LRRC34: variants seen among roughly 807,000 people sequenced by gnomAD.
LRRC34 encodes leucine-rich repeat-containing protein 34.
A neutral mutation model predicts 48.5 loss-of-function variants in LRRC34; 44 were observed. That is an observed-to-expected ratio of 0.91 (90% CI 0.71 to 1.17). The LOEUF (loss-of-function observed/expected upper bound fraction) is 1.17. Ranked by LOEUF, LRRC34 falls within the 50% of genes most tolerant of loss-of-function variation. The pLI, the probability that LRRC34 is intolerant of heterozygous loss-of-function variation, is 0.00. For synonymous variants in LRRC34, 192 were observed against 197.6 expected (o/e 0.97, Z 0.24); for missense variants, 502 against 563.0 (o/e 0.89, Z 1.10).
At chr3:169,796,085 CTT>C (rs1778976316) in intron 9 of LRRC34, 127 bp downstream of exon 9, 10 of 1,349,870 alleles carry the variant, frequency 7.4e-6, no homozygotes, top group East Asian at 2.8e-5. Flanking sequence ...TTTACTGTAA[CTT>C]AATACTATGT....
At chr3:169,797,469 T>A (rs1200433976) in intron 7 of LRRC34, among the ~76,000 whole-genome samples, 1 of 152,196 alleles carries the variant, frequency 6.6e-6, no homozygotes, top group Admixed American at 6.5e-5. Flanking sequence ...AGAAGACTTT[T>A]TTTTAAGTTC....
rs753499737 is a variant in LRRC34 at position 169,795,576 on chromosome 3, CCTT to C, written c.1097_1099del (p.Glu366del). The C allele has an allele frequency of 3.7e-6, 6 of 1,612,616 alleles. No homozygotes were observed. In the African/African-American group the frequency reaches 8.0e-5, roughly 21 times the overall value. On this transcript the variant is annotated inframe_deletion, in exon 10 of 11. Transcript: ENST00000446859. The stretch of plus-strand genomic sequence containing the variant: ...CATTGATTGTGAAAGTGCAACAAGT[CCTT>C]CTCCCTCTATGTTGTTGCTGACTAC...
At chr3:169,808,927 T>G (rs1219463910) in intron 1 of LRRC34, among the ~76,000 whole-genome samples, 182 bp from the exon 2 acceptor site, 3 of 152,086 alleles carry the variant, frequency 2.0e-5, no homozygotes, top group Admixed American at 2.0e-4. Flanking sequence ...ATGGGAGAGA[T>G]AATTAAAATG....
Position 169,812,693 on chromosome 3 carries a change from A to G in LRRC34, c.-145T>C, listed in dbSNP as rs1343549831. On this transcript the variant is annotated 5_prime_UTR_variant, in exon 1 of 11. Coordinates refer to ENST00000446859, the MANE Select transcript of LRRC34 (RefSeq NM_001172779.2). The surrounding 1 kb of genome is among the most constrained non-coding windows in gnomAD (Gnocchi z 4.3). ...AAGGCAGTGACCGCCTACTCTGTGG[A>G]GGTCCTTTGTCACCCTGCCCTGGTT... The G allele has an allele frequency of 1.7e-6, 2 of 1,202,844 alleles. No homozygotes were observed. Among genetic ancestry groups the G allele is most frequent in the Non-Finnish European group, 1.1e-6 (1 of 916,436 alleles). 74.5% of individuals were successfully genotyped at this position (1,202,844 alleles called of 1,614,324 possible). A position where few individuals can be genotyped will look rare whatever the true frequency, so the allele number is the denominator to read the frequency against.
chr3:169,793,861 T>G (rs1157283820), intron 10 of LRRC34, 23 bp from the exon 11 acceptor site: 1 of 1,527,848 alleles, frequency 6.5e-7, no homozygotes, highest in Admixed American at 1.9e-5. Context: ...GGAAAAAAAC[T>G]ATATCATTAA....
intron 6 of LRRC34, among the ~76,000 whole-genome samples, chr3:169,802,925 C>G (rs543337626): frequency 4.3e-4 from 65 of 151,612 alleles, no homozygotes; most frequent in African/African-American, 1.4e-3. Context: ...TGCAGTGAGC[C>G]GAGATCACGC....
chr3:169,807,258 T>G (rs1037818108), intron 4 of LRRC34, among the ~76,000 whole-genome samples, 168 bp downstream of exon 4: 2 of 152,242 alleles, frequency 1.3e-5, no homozygotes, highest in Non-Finnish European at 2.9e-5. Flanking sequence ...CTCTAGCTAC[T>G]GGCTCCATTG....
chr3:169,812,789 T>C lies in LRRC34; in HGVS notation c.-241A>G, dbSNP rs1779650733. On this transcript the variant is annotated 5_prime_UTR_variant, in exon 1 of 11. Coordinates refer to ENST00000446859, the MANE Select transcript of LRRC34 (RefSeq NM_001172779.2). The surrounding 1 kb of genome is among the most constrained non-coding windows in gnomAD (Gnocchi z 4.3). Reference sequence around the variant, plus strand: ...GTTCCCGAGGTTTGAGGGGCTCCGCTGCTGAGCTAGGGCTGGGGCTACAAA... The same window carrying C: ...GTTCCCGAGGTTTGAGGGGCTCCGCCGCTGAGCTAGGGCTGGGGCTACAAA... 6 of 515,572 alleles carry C rather than the reference T, an allele frequency of 1.2e-5. No homozygotes were observed. The South Asian group carries it at 1.8e-4, about 15-fold the overall frequency. The allele number at this position is 515,572 out of a possible 1,614,324, so 31.9% of individuals were successfully genotyped here.
Position 169,804,024 on chromosome 3 carries a change from GATGATTTTCTCATA to G in LRRC34, c.657+15_657+28del, listed in dbSNP as rs1779285201. On this transcript the variant is annotated intron_variant, in intron 6 of 10. Coordinates refer to ENST00000446859, the MANE Select transcript of LRRC34 (RefSeq NM_001172779.2). ...CTGTTCTCTAATGACCCACTATCTG[GATGATTTTCTCATA>G]ACCAGTTTACTCACCAGATCACAGT... 4 of 1,530,752 alleles carry G rather than the reference GATGATTTTCTCATA, an allele frequency of 2.6e-6. No homozygotes were observed. The highest frequency in any genetic ancestry group is 2.3e-5 in the East Asian group (1 of 42,850). The allele number at this position is 1,530,752 out of a possible 1,614,324, so 94.8% of individuals were successfully genotyped here.
intron 1 of LRRC34, among the ~76,000 whole-genome samples, chr3:169,809,386 T>G (rs111354283): frequency 0.014 from 2,180 of 152,266 alleles, 20 homozygotes; most frequent in Middle Eastern, 0.027. Context: ...GTAACTGTCA[T>G]TTCTTCATAC....
At chr3:169,804,676 T>C (rs900405577) in intron 5 of LRRC34, among the ~76,000 whole-genome samples, 2 of 152,218 alleles carry the variant, frequency 1.3e-5, no homozygotes, top group Non-Finnish European at 2.9e-5. Context: ...GTAGAAAGAA[T>C]GCCCAAGAAA....
intron 5 of LRRC34, 73 bp from the exon 6 acceptor site, chr3:169,804,254 T>G: frequency 8.1e-7 from 1 of 1,230,248 alleles, no homozygotes; most frequent in East Asian, 2.6e-5. Context: ...ATTAGGAGAC[T>G]GTATTACTAT....
Position 169,795,542 on chromosome 3 carries a change from A to G in LRRC34, c.1134T>C (p.Asn378=), listed in dbSNP as rs753367408. Residue 378 remains asparagine (N), a synonymous_variant, in exon 10 of 11, where the codon AAT becomes AAC. Coordinates refer to ENST00000446859, the MANE Select transcript of LRRC34 (RefSeq NM_001172779.2). ...AAATGTAGATATGAGAGAAAGTGAG[A>G]TTTGTTTTCATTGATTGTGAAAGTG... The part of the protein sequence containing the change: ...LVALSQSMKT[N]LTFSHIYIWG... 6 of 1,612,766 alleles carry G rather than the reference A, an allele frequency of 3.7e-6. No homozygotes were observed. The East Asian group carries it at 1.3e-4, about 36-fold the overall frequency.
intron 2 of LRRC34, 56 bp from the exon 3 acceptor site, chr3:169,807,765 T>G (rs1046446855): frequency 6.9e-7 from 1 of 1,451,800 alleles, no homozygotes; most frequent in African/African-American, 1.6e-5. Flanking sequence ...AGAAACCCAG[T>G]AAAGAAGTAA....
At position 169,793,086 on chromosome 3, in the gene LRRC34, TATGAG is replaced by T. The variant is rs1293112603; in HGVS notation, c.*544_*548del. 6.6e-6 allele frequency among the ~76,000 whole-genome samples: 1 copy of T among 152,136 alleles called. No homozygotes were observed. Among genetic ancestry groups the T allele is most frequent in the Non-Finnish European group, 1.5e-5 (1 of 68,028 alleles). On this transcript the variant is annotated 3_prime_UTR_variant, in exon 11 of 11. Coordinates refer to ENST00000446859, the MANE Select transcript of LRRC34 (RefSeq NM_001172779.2). ...TGGGGTTAGAAGTCAGGATAGTGGT[TATGAG>T]AGGAGAGTGGGAGAGCTGGCAGCAC...
rs779961179 is a variant in LRRC34, at chr3:169,793,588, G to A, written c.*47C>T. Reference sequence around the variant, plus strand: ...AATAGGCTATAGAATATTAATCTCTGTGAAACAATAAGACAAGTGTATGAA... The same window carrying A: ...AATAGGCTATAGAATATTAATCTCTATGAAACAATAAGACAAGTGTATGAA... On this transcript the variant is annotated 3_prime_UTR_variant, in exon 11 of 11. Transcript: ENST00000446859. The A allele has an allele frequency of 1.1e-5, 15 of 1,365,764 alleles. No individual in the cohort carries two copies. The highest frequency in any genetic ancestry group is 1.4e-5 in the Non-Finnish European group (14 of 971,668). The allele number at this position is 1,365,764 out of a possible 1,614,324, so 84.6% of individuals were successfully genotyped here.
chr3:169,808,769 T>A (rs1183757465), intron 1 of LRRC34, 24 bp from the exon 2 acceptor site: 2 of 1,214,924 alleles, frequency 1.6e-6, no homozygotes, highest in Non-Finnish European at 2.4e-6. Flanking sequence ...GCATCCTCTA[T>A]CACATATAAA....
At chr3:169,798,028 C>T (rs1374661156) in intron 7 of LRRC34, among the ~76,000 whole-genome samples, 1 of 152,180 alleles carries the variant, frequency 6.6e-6, no homozygotes, top group African/African-American at 2.4e-5. Flanking sequence ...TGAAAAGATA[C>T]ACCCAAAGGA....
chr3:169,796,582 A>G, intron 8 of LRRC34, 163 bp downstream of exon 8: 1 of 896,948 alleles, frequency 1.1e-6, no homozygotes. Flanking sequence ...ACTAAAAGAT[A>G]GCAGTATTAA....
Sources: gnomAD v4.1 joint callset for allele counts (sites outside exome capture counted in the v4.1 genomes callset) on GRCh38, gnomAD v4.1.1 for gene constraint, Gnocchi (gnomAD v3.1) non-coding constraint, MANE v1.5 for transcripts, NCBI Gene and HGNC (gene_info 2026-07-23, HGNC 2026-07-21) for gene names.